The following TMEM114 variants were observed in gnomAD, a reference collection of about 807,000 sequenced individuals.
TMEM114 encodes the protein claudin-26.
In TMEM114, 6 loss-of-function variants were observed where a neutral mutation model predicts 6.2. That is an observed-to-expected ratio of 0.97 (90% confidence interval 0.53 to 1.91). The LOEUF (loss-of-function observed/expected upper bound fraction) is 1.91. Among genes scored for constraint, TMEM114 ranks in the 40% most tolerant of loss-of-function variants. The pLI is 0.01. For missense variants in TMEM114, 218 were observed against 158.3 expected, an observed-to-expected ratio of 1.38 and a Z score of -2.02; for synonymous variants, 104 against 73.0, an observed-to-expected ratio of 1.42 and a Z score of -2.16.
At chr16:8,545,697 C>T (rs989692276) in intron 2 of TMEM114, among the ~76,000 whole-genome samples, 1 of 152,156 alleles carries the variant, frequency 6.6e-6, no homozygotes, top group Non-Finnish European at 1.5e-5. Context: ...ATCTGGGGAC[C>T]ACACTTTGAG....
At chr16:8,551,797 T>C (rs1214080492) in intron 2 of TMEM114, among the ~76,000 whole-genome samples, 1 of 152,180 alleles carries the variant, frequency 6.6e-6, no homozygotes, top group African/African-American at 2.4e-5. Context: ...ATGTACCAAA[T>C]GTAAAACCCA....
At chr16:8,589,054 C>T (rs959423705) in intron 2 of TMEM114, among the ~76,000 whole-genome samples, 159 bp downstream of exon 2, 1 of 152,158 alleles carries the variant, frequency 6.6e-6, no homozygotes, top group African/African-American at 2.4e-5. Flanking sequence ...GAGACCCTGC[C>T]CCCCGGTCTT....
chr16:8,562,287 A>C (rs1901264008), intron 2 of TMEM114, among the ~76,000 whole-genome samples: 1 of 150,944 alleles, frequency 6.6e-6, no homozygotes, highest in African/African-American at 2.5e-5. Flanking sequence ...TGAGTGAGTG[A>C]GTGAGTGAAT....
chr16:8,530,083 A>T, the TMEM114 span, among the ~76,000 whole-genome samples: 1 of 152,208 alleles, frequency 6.6e-6, no homozygotes, highest in African/African-American at 2.4e-5. Context: ...AGATCAAGTC[A>T]TCCCAGTTAA....
chr16:8,537,272 C>A (rs545149431), downstream of TMEM114, among the ~76,000 whole-genome samples: 2 of 151,854 alleles, frequency 1.3e-5, no homozygotes, highest in Non-Finnish European at 2.9e-5. Context: ...AGGCCAAGGC[C>A]GGCAGATGAC....
chr16:8,549,273 G>C (rs1900767875), intron 2 of TMEM114, among the ~76,000 whole-genome samples: 1 of 151,580 alleles, frequency 6.6e-6, no homozygotes, highest in Non-Finnish European at 1.5e-5. Flanking sequence ...GCCAAGGTGG[G>C]TGGATCACCT....
At chr16:8,576,966 G>C (rs1901959221) in intron 2 of TMEM114, among the ~76,000 whole-genome samples, 1 of 152,176 alleles carries the variant, frequency 6.6e-6, no homozygotes, top group South Asian at 2.1e-4. Flanking sequence ...TGTCAATTCA[G>C]AGATGCCAGG....
intron 3 of TMEM114, among the ~76,000 whole-genome samples, chr16:8,570,418 A>G (rs1596308905): frequency 1.3e-5 from 2 of 151,482 alleles, no homozygotes; most frequent in South Asian, 4.2e-4. Context: ...TGCAACCTCC[A>G]CCTCCCGGGT....
chr16:8,564,219 T>A (rs111208694), intron 2 of TMEM114, among the ~76,000 whole-genome samples: 30 of 76,406 alleles, frequency 3.9e-4, no homozygotes, highest in South Asian at 2.2e-3. Flanking sequence ...ATGAGTGAGT[T>A]AGTGAATGAG....
At chr16:8,577,873 C>T (rs574872409) in intron 2 of TMEM114, among the ~76,000 whole-genome samples, 1 of 152,304 alleles carries the variant, frequency 6.6e-6, no homozygotes, top group East Asian at 1.9e-4. Flanking sequence ...AGGCATGCCA[C>T]CGGCAGTGTT....
At chr16:8,553,966 G>C (rs137932297) in intron 2 of TMEM114, among the ~76,000 whole-genome samples, 1 of 151,560 alleles carries the variant, frequency 6.6e-6, no homozygotes, top group South Asian at 2.1e-4. Flanking sequence ...GCAACCTCTG[G>C]CTCCCAGGTT....
downstream of TMEM114, among the ~76,000 whole-genome samples, chr16:8,534,381 T>C (rs35599541): frequency 0.12 from 18,393 of 151,824 alleles, 1,339 homozygotes; most frequent in Middle Eastern, 0.22. Flanking sequence ...TTCATGTCCT[T>C]TATAGCTATC....
intron 3 of TMEM114, among the ~76,000 whole-genome samples, chr16:8,571,660 A>G (rs900369716): frequency 6.6e-6 from 1 of 150,706 alleles, no homozygotes; most frequent in Non-Finnish European, 1.5e-5. Flanking sequence ...ACATAGAAAG[A>G]TCATGAGGTG....
chr16:8,576,711 G>T (rs1423390151), intron 2 of TMEM114, among the ~76,000 whole-genome samples: 15 of 16,600 alleles, frequency 9.0e-4, no homozygotes, highest in African/African-American at 4.1e-3. Context: ...GAGCAGGAAG[G>T]AAGGAAGGAA....
At chr16:8,570,656 C>G (rs1344237830) in intron 3 of TMEM114, among the ~76,000 whole-genome samples, 1 of 152,142 alleles carries the variant, frequency 6.6e-6, no homozygotes, top group Non-Finnish European at 1.5e-5. Context: ...CCCCAGTGGC[C>G]TGTGAGTGTC....
At position 8,569,888 on chromosome 16, in the gene TMEM114, C is replaced by T. The variant is rs1375742256; in HGVS notation, c.557G>A (p.Gly186Asp). ...GATCCAGCCCAGGGCCAGGGACCAG[C>T]CGAAGCTGATGTCCACCTGGTCCAG... The part of the protein sequence containing the change: ...ALLDQVDISF[G>D]WSLALGWISF... The change falls in exon 4 of 4, where the codon GGC (glycine) becomes GAC (aspartate). Residue 186 changes from glycine (G) to aspartate (D), a missense_variant. Physicochemically the swap from Gly to Asp is moderately conservative, Grantham distance 94 (BLOSUM62 -1). Transcript: ENST00000620492. The T allele has an allele frequency of 6.4e-7, 1 of 1,551,228 alleles. No homozygotes were observed. Among genetic ancestry groups the T allele is most frequent in the Non-Finnish European group, 8.7e-7 (1 of 1,146,952 alleles).
intron 2 of TMEM114, among the ~76,000 whole-genome samples, chr16:8,586,863 G>A (rs1035762349): frequency 1.3e-5 from 2 of 152,134 alleles, no homozygotes; most frequent in African/African-American, 4.8e-5. Flanking sequence ...GTTTCCCCTT[G>A]TGCAGTTTGG....
At chr16:8,527,724 C>A in the TMEM114 span, among the ~76,000 whole-genome samples, 13 of 152,272 alleles carry the variant, frequency 8.5e-5, no homozygotes, top group South Asian at 2.5e-3. Context: ...GGTTTAGTAA[C>A]TTGTCCAAAG....
intron 2 of TMEM114, among the ~76,000 whole-genome samples, chr16:8,550,529 T>C (rs1596471114): frequency 1.3e-5 from 2 of 151,998 alleles, no homozygotes; most frequent in Non-Finnish European, 2.9e-5. Flanking sequence ...AAATACAAAA[T>C]TAGCCTGGTG....
Sources: gnomAD v4.1 joint callset for allele counts (sites outside exome capture counted in the v4.1 genomes callset) on GRCh38, gnomAD v4.1.1 for gene constraint, MANE v1.5 for transcripts, NCBI Gene and HGNC (gene_info 2026-07-23, HGNC 2026-07-21) for gene names.